ANKRD30B: variants seen among roughly 807,000 people sequenced by gnomAD.
ANKRD30B encodes ankyrin repeat domain 30B, also known as ankyrin repeat domain-containing protein 30B.
Under a neutral mutation model 202.2 loss-of-function variants are expected in ANKRD30B, and 144 were observed. The observed-to-expected ratio is 0.71, with a 90% CI of 0.62 to 0.82. The LOEUF is 0.82. ANKRD30B is among the 40% of genes least tolerant of loss of function. ANKRD30B has a pLI of 0.00. For missense variants in ANKRD30B, 1,487 were observed against 1,669.1 expected (o/e 0.89, Z 1.90); for synonymous variants, 508 against 561.3 (o/e 0.91, Z 1.34).
the ANKRD30B span, among the ~76,000 whole-genome samples, chr18:14,923,094 A>C: frequency 6.6e-6 from 1 of 152,302 alleles, no homozygotes; most frequent in African/African-American, 2.4e-5. Context: ...CAGGCCCTGA[A>C]GAACCAGCAG....
rs1251923767 is a variant in ANKRD30B, at chr18:14,817,800, G to A, written c.2641+3089G>A. The stretch of plus-strand genomic sequence containing the variant: ...TAAAGTTTAAAGATATTAATGAATC[G>A]AGAATGACCTTCTCATCATAATTAA... On this transcript the variant is annotated intron_variant, in intron 30 of 43. Transcript: ENST00000690538. Among the ~76,000 whole-genome samples, 4 of 152,232 alleles carry A rather than the reference G, an allele frequency of 2.6e-5. No individual in the cohort carries two copies. In the East Asian group the frequency reaches 5.8e-4, roughly 22 times the overall value.
chr18:14,902,144 C>G, the ANKRD30B span, among the ~76,000 whole-genome samples: 3 of 152,112 alleles, frequency 2.0e-5, no homozygotes, highest in African/African-American at 7.2e-5. Context: ...GAGGAAACCG[C>G]TCCCATGATT....
At chr18:14,881,498 G>A in the ANKRD30B span, among the ~76,000 whole-genome samples, 1 of 151,952 alleles carries the variant, frequency 6.6e-6, no homozygotes, top group Non-Finnish European at 1.5e-5. Flanking sequence ...ATTTTGTTAG[G>A]GATTTTGGCT....
chr18:14,769,324 T>C lies in ANKRD30B; in HGVS notation c.1226-19T>C, dbSNP rs1011051497. On this transcript the variant is annotated intron_variant, in intron 7 of 43. Coordinates refer to ENST00000690538, the MANE Select transcript of ANKRD30B (RefSeq NM_001367607.2). ...TTATATTTGTTAATTTAATGTATTT[T>C]ACTTTTTTTCTTTAATAGTGGATGT... 1 of 1,518,822 alleles carries C rather than the reference T, an allele frequency of 6.6e-7. No individual in the cohort carries two copies. The highest frequency in any genetic ancestry group is 8.9e-7 in the Non-Finnish European group (1 of 1,123,424). The allele number at this position is 1,518,822 out of a possible 1,614,324, so 94.1% of individuals were successfully genotyped here.
chr18:14,929,048 T>C, the ANKRD30B span, among the ~76,000 whole-genome samples: 1 of 152,204 alleles, frequency 6.6e-6, no homozygotes, highest in Non-Finnish European at 1.5e-5. Context: ...GTTGGCTCTG[T>C]GGTTCTCAGC....
the ANKRD30B span, chr18:14,877,512 G>A: frequency 1.3e-5 from 2 of 151,672 alleles, no homozygotes; most frequent in African/African-American, 2.4e-5. Context: ...AAAGTACTTA[G>A]CGCGTTGTGT....
the ANKRD30B span, among the ~76,000 whole-genome samples, chr18:14,922,774 A>G: frequency 0.54 from 81,928 of 152,028 alleles, 22,642 homozygotes; most frequent in African/African-American, 0.65. Flanking sequence ...CAGGACATAG[A>G]AAGACACCAG....
the ANKRD30B span, among the ~76,000 whole-genome samples, chr18:14,878,204 C>A: frequency 6.6e-6 from 1 of 152,086 alleles, no homozygotes; most frequent in Non-Finnish European, 1.5e-5. Flanking sequence ...GGATACTCTC[C>A]CTTTGTGGAA....
intron 15 of ANKRD30B, among the ~76,000 whole-genome samples, chr18:14,789,165 T>C (rs1968294779): frequency 6.6e-6 from 1 of 152,376 alleles, no homozygotes; most frequent in East Asian, 1.9e-4. Flanking sequence ...CATTTTTTCA[T>C]GTGTTTTTTG....
In ANKRD30B at chr18:14,748,523, A is replaced by C; in HGVS notation, c.104A>C (p.Tyr35Ser). Residue 35 changes from tyrosine (Y) to serine (S), a missense_variant, in exon 1 of 44, where the codon TAC (tyrosine) becomes TCC (serine). By Grantham distance (144) the Tyr-to-Ser change is moderately radical. Around this residue, in one of 6 missense-constraint regions of ANKRD30B, gnomAD observed 889 missense variants for 841.4 expected, o/e 1.06. Coordinates refer to ENST00000690538, the MANE Select transcript of ANKRD30B (RefSeq NM_001367607.2). Reference sequence around the variant, plus strand: ...ACTGAGAAGGACTACGGGACCATCTACTTCGGGGATCTAGGGAAGATCCAT... The same window carrying C: ...ACTGAGAAGGACTACGGGACCATCTCCTTCGGGGATCTAGGGAAGATCCAT... The part of the protein sequence containing the change: ...VYTEKDYGTI[Y>S]FGDLGKIHTA... 1 of 1,552,666 alleles carries C rather than the reference A, an allele frequency of 6.4e-7. No homozygotes were observed. Among genetic ancestry groups the C allele is most frequent in the Non-Finnish European group, 8.7e-7 (1 of 1,147,456 alleles).
the ANKRD30B span, among the ~76,000 whole-genome samples, chr18:14,862,105 A>G: frequency 3.3e-5 from 5 of 152,152 alleles, no homozygotes; most frequent in African/African-American, 1.2e-4. Flanking sequence ...GAAACATAAC[A>G]TACCAAAACG....
At chr18:14,885,806 A>G in the ANKRD30B span, among the ~76,000 whole-genome samples, 1 of 151,896 alleles carries the variant, frequency 6.6e-6, no homozygotes. Flanking sequence ...TATAATTTAT[A>G]TTATGGCTTA....
intron 32 of ANKRD30B, among the ~76,000 whole-genome samples, chr18:14,824,187 C>T (rs1167186288): frequency 3.3e-5 from 4 of 122,902 alleles, no homozygotes; most frequent in African/African-American, 5.1e-5. Flanking sequence ...TCATAGTTTG[C>T]GATTTTAACT....
chr18:14,788,376 G>A (rs1449851019), intron 15 of ANKRD30B, among the ~76,000 whole-genome samples: 3 of 151,996 alleles, frequency 2.0e-5, no homozygotes, highest in Non-Finnish European at 4.4e-5. Context: ...AGAGAGTTAT[G>A]TGAGGTTTTC....
At chr18:14,918,414 T>C in the ANKRD30B span, among the ~76,000 whole-genome samples, 859 of 152,302 alleles carry the variant, frequency 5.6e-3, 4 homozygotes, top group Non-Finnish European at 8.8e-3. Flanking sequence ...TGTAGGAGCG[T>C]ATTAATATCT....
At chr18:14,826,508 CAT>C (rs1200638322) in intron 32 of ANKRD30B, among the ~76,000 whole-genome samples, 1 of 152,082 alleles carries the variant, frequency 6.6e-6, no homozygotes, top group East Asian at 1.9e-4. Context: ...ACTAAAGCAG[CAT>C]ATATACACAG....
chr18:14,794,737 T>A (rs111326268), intron 16 of ANKRD30B, among the ~76,000 whole-genome samples: 2,195 of 152,176 alleles, frequency 0.014, 59 homozygotes, highest in African/African-American at 0.051. Context: ...TAGCCTTAAA[T>A]CGCTTGGACA....
At position 14,784,267 on chromosome 18, in the gene ANKRD30B, C is replaced by T. The variant is rs1967935096; in HGVS notation, c.1571-69C>T. The T allele has an allele frequency of 2.8e-6, 4 of 1,445,866 alleles. No individual in the cohort carries two copies. The South Asian group carries it at 3.5e-5, about 13-fold the overall frequency. 89.6% of individuals were successfully genotyped at this position (1,445,866 alleles called of 1,614,324 possible). ...CCAAGAGGACTCAGTTAGATACTAT[C>T]ACTGCATTCACTCGGTTGGCTTTGT... On this transcript the variant is annotated intron_variant, in intron 12 of 43. Coordinates refer to ENST00000690538, the MANE Select transcript of ANKRD30B (RefSeq NM_001367607.2).
rs368583595 is a variant in ANKRD30B, at chr18:14,796,146, T to C, written c.1826-75T>C. 9.2e-5 allele frequency: 130 copies of C among 1,408,616 alleles called. 1 individual carries two copies. The South Asian group carries it at 1.5e-3, about 16-fold the overall frequency. The allele number at this position is 1,408,616 out of a possible 1,614,324, so 87.3% of individuals were successfully genotyped here. On this transcript the variant is annotated intron_variant, in intron 16 of 43. Coordinates refer to ENST00000690538, the MANE Select transcript of ANKRD30B (RefSeq NM_001367607.2). ...CCAAGCATGAGGATTCATCTTCATA[T>C]TCACATTGTACGAATGCTTGGTAGG...
Sources: gnomAD v4.1 joint callset for allele counts (sites outside exome capture counted in the v4.1 genomes callset) on GRCh38, gnomAD v4.1.1 for gene constraint, gnomAD v4.1.1 regional missense constraint, MANE v1.5 for transcripts, NCBI Gene and HGNC (gene_info 2026-07-23, HGNC 2026-07-21) for gene names.